The following ALMS1 variants were observed in gnomAD, a reference collection of about 807,000 sequenced individuals.
The protein encoded by ALMS1 is centrosome-associated protein ALMS1.
In ALMS1, 271 loss-of-function variants were observed where a neutral mutation model predicts 352.2. That is an observed-to-expected ratio of 0.77 (90% CI 0.70 to 0.85). The LOEUF (loss-of-function observed/expected upper bound fraction) is 0.85. Ranked by LOEUF, ALMS1 falls within the 40% of genes least tolerant of loss-of-function variation. The pLI is 0.00. For synonymous variants in ALMS1, 1,865 were observed against 1,761.2 expected, an observed-to-expected ratio of 1.06 and a Z score of -1.48; for missense variants, 5,445 against 4,870.7, an observed-to-expected ratio of 1.12 and a Z score of -3.51.
intron 6 of ALMS1, among the ~76,000 whole-genome samples, chr2:73,431,486 A>T (rs545973137): frequency 5.6e-4 from 85 of 152,330 alleles, no homozygotes; most frequent in South Asian, 3.5e-3. Context: ...TGCACTGTGA[A>T]TTTGGTGAAA....
chr2:73,497,259 A>G (rs926399468), intron 10 of ALMS1, among the ~76,000 whole-genome samples: 15 of 151,986 alleles, frequency 9.9e-5, no homozygotes, highest in Admixed American at 3.9e-4. Flanking sequence ...CAGCACATTG[A>G]TTATGCTTCT....
intron 13 of ALMS1, among the ~76,000 whole-genome samples, chr2:73,552,613 A>G (rs17009137): frequency 0.033 from 5,080 of 152,270 alleles, 289 homozygotes; most frequent in African/African-American, 0.12. Flanking sequence ...GACCTCTACA[A>G]TCTCCCATCT....
intron 16 of ALMS1, among the ~76,000 whole-genome samples, chr2:73,588,367 GTGCCCCACA>G (rs72359925): frequency 0.073 from 11,093 of 151,988 alleles, 992 homozygotes; most frequent in African/African-American, 0.21. Flanking sequence ...ACGTGCACTT[GTGCCCCACA>G]TGCCCCACCC....
At chr2:73,566,730 C>G (rs1674808804) in intron 15 of ALMS1, among the ~76,000 whole-genome samples, 1 of 152,202 alleles carries the variant, frequency 6.6e-6, no homozygotes, top group African/African-American at 2.4e-5. Context: ...TCCCACAAGA[C>G]TGCCCACCAC....
chr2:73,542,755 C>T (rs1237748411), intron 12 of ALMS1, among the ~76,000 whole-genome samples: 1 of 152,028 alleles, frequency 6.6e-6, no homozygotes, highest in African/African-American at 2.4e-5. Flanking sequence ...GAGTGAACTC[C>T]CATTCACAAT....
chr2:73,529,227 A>G (rs1251516092), intron 11 of ALMS1, among the ~76,000 whole-genome samples: 2 of 151,962 alleles, frequency 1.3e-5, no homozygotes. Context: ...TATTTTTAGT[A>G]GAGACGGGGT....
At chr2:73,559,551 C>T (rs1674615865) in intron 15 of ALMS1, among the ~76,000 whole-genome samples, 1 of 151,960 alleles carries the variant, frequency 6.6e-6, no homozygotes, top group African/African-American at 2.4e-5. Flanking sequence ...TTTGTTTGTC[C>T]ATGGGTCTCT....
At chr2:73,574,953 C>G (rs1462992574) in intron 16 of ALMS1, among the ~76,000 whole-genome samples, 1 of 152,120 alleles carries the variant, frequency 6.6e-6, no homozygotes, top group Non-Finnish European at 1.5e-5. Flanking sequence ...CCCCGGCAAC[C>G]AGTAATCTAT....
At chr2:73,587,304 G>A (rs554568208) in intron 16 of ALMS1, among the ~76,000 whole-genome samples, 19 of 152,140 alleles carry the variant, frequency 1.2e-4, no homozygotes, top group Middle Eastern at 3.4e-3. Context: ...CTAGGACTTC[G>A]AGTACAGTGT....
chr2:73,581,309 A>G (rs1172211266), intron 16 of ALMS1, among the ~76,000 whole-genome samples: 3 of 152,192 alleles, frequency 2.0e-5, no homozygotes, highest in African/African-American at 7.2e-5. Context: ...ATGTTAGGTG[A>G]AACTAAGGCA....
chr2:73,480,344 C>T (rs1014087315), intron 9 of ALMS1, among the ~76,000 whole-genome samples: 9 of 151,844 alleles, frequency 5.9e-5, no homozygotes, highest in Admixed American at 2.0e-4. Context: ...TTTGTTCTTG[C>T]GATAGTTTAC....
At chr2:73,468,839 TTTG>T (rs917089639) in intron 9 of ALMS1, among the ~76,000 whole-genome samples, 2 of 152,028 alleles carry the variant, frequency 1.3e-5, no homozygotes, top group Non-Finnish European at 2.9e-5. Context: ...CCTTTTTCTA[TTTG>T]TTTTCTACAT....
At position 73,385,946 on chromosome 2, in the gene ALMS1, G is replaced by C. The variant is rs13009604; in HGVS notation, c.78G>C (p.Glu26Asp). 5.3e-6 allele frequency: 6 copies of C among 1,133,318 alleles called. No homozygotes were observed. The highest frequency in any genetic ancestry group is 2.6e-5 in the East Asian group (1 of 37,856). The allele number at this position is 1,133,318 out of a possible 1,614,324, so 70.2% of individuals were successfully genotyped here. Residue 26 changes from glutamate (E) to aspartate (D), a missense_variant, in exon 1 of 23, where the codon GAG becomes GAC. Glu to Asp is a conservative substitution (Grantham distance 45). Transcript: ENST00000613296. ...EEEEEEEEEE[E>D]EEAAAAAAAN... is the part of the protein sequence containing the mutation. ...AGGAGGAGGAGGAGGAGGAGGAAGA[G>C]GAGGAGGCTGCAGCGGCGGCGGCGG...
chr2:73,565,231 A>G (rs1278457145), intron 15 of ALMS1, among the ~76,000 whole-genome samples: 1 of 152,168 alleles, frequency 6.6e-6, no homozygotes, highest in Non-Finnish European at 1.5e-5. Flanking sequence ...GGGACAGGAG[A>G]TATATTAGAT....
intron 7 of ALMS1, among the ~76,000 whole-genome samples, chr2:73,445,313 A>T (rs1351650479): frequency 6.6e-6 from 1 of 152,080 alleles, no homozygotes; most frequent in Non-Finnish European, 1.5e-5. Flanking sequence ...TAGTCACCGT[A>T]TTGTACTATA....
chr2:73,404,709 C>T (rs566935645), intron 1 of ALMS1, among the ~76,000 whole-genome samples: 51 of 151,872 alleles, frequency 3.4e-4, no homozygotes, highest in Non-Finnish European at 2.6e-4. Flanking sequence ...CATCAATAGT[C>T]GTCGGGGATA....
At position 73,557,258 on chromosome 2, in the gene ALMS1, C is replaced by T; in HGVS notation, c.10117C>T (p.Leu3373Phe). 1.9e-6 allele frequency: 3 copies of T among 1,614,078 alleles called. No individual in the cohort carries two copies. Among genetic ancestry groups the T allele is most frequent in the East Asian group, 2.2e-5 (1 of 44,870 alleles). ...AGTGCTAATCACTGGGGATGAGAACCTCTCAGACAAAAAACAGCAAGAGAT... is the reference window on the plus strand; with the variant it reads ...AGTGCTAATCACTGGGGATGAGAACTTCTCAGACAAAAAACAGCAAGAGAT... ...VQVLITGDEN[L>F]SDKKQQEIHS... The change falls in exon 14 of 23, where the codon CTC becomes TTC. Residue 3373 changes from leucine (L) to phenylalanine (F), a missense_variant. Physicochemically the swap from Leu to Phe is conservative, Grantham distance 22. Coordinates refer to ENST00000613296, the MANE Select transcript of ALMS1 (RefSeq NM_001378454.1).
intron 15 of ALMS1, among the ~76,000 whole-genome samples, chr2:73,566,178 G>A (rs1005274700): frequency 6.6e-6 from 1 of 152,174 alleles, no homozygotes; most frequent in Admixed American, 6.5e-5. Flanking sequence ...AAAAATTAAT[G>A]CATTCTGACA....
intron 1 of ALMS1, among the ~76,000 whole-genome samples, chr2:73,395,416 G>T (rs1293318769): frequency 6.6e-6 from 1 of 152,056 alleles, no homozygotes; most frequent in East Asian, 1.9e-4. Context: ...TATGTATGTG[G>T]TCTGTAGTTG....
Sources: gnomAD v4.1 joint callset for allele counts (sites outside exome capture counted in the v4.1 genomes callset) on GRCh38, gnomAD v4.1.1 for gene constraint, MANE v1.5 for transcripts, NCBI Gene and HGNC (gene_info 2026-07-23, HGNC 2026-07-21) for gene names.